The following ATP6V1B2 variants were observed in gnomAD, a reference collection of about 807,000 sequenced individuals.
ATP6V1B2 encodes the protein ATPase H+ transporting V1 subunit B2.
In ATP6V1B2, 23 loss-of-function variants were observed where a neutral mutation model predicts 66.7. The ratio of observed to expected loss-of-function variants is 0.34; its 90% CI spans 0.25 to 0.49. The LOEUF (loss-of-function observed/expected upper bound fraction) is 0.49, where lower values mean the gene tolerates loss of function less well. Among genes scored for constraint, ATP6V1B2 ranks in the 20% least tolerant of loss-of-function variants. ATP6V1B2 has a pLI of 0.99. For synonymous variants in ATP6V1B2, 278 were observed against 236.7 expected (o/e 1.17, Z -1.60); for missense variants, 478 against 650.8 (o/e 0.73, Z 2.89).
At position 20,212,087 on chromosome 8, in the gene ATP6V1B2, G is replaced by A. The variant is rs1409430955; in HGVS notation, c.706-15G>A. 6.2e-6 allele frequency: 10 copies of A among 1,607,340 alleles called. No individual in the cohort carries two copies. The highest frequency in any genetic ancestry group is 8.5e-6 in the Non-Finnish European group (10 of 1,174,382). On this transcript the variant is annotated splice_polypyrimidine_tract_variant and intron_variant, in intron 7 of 13. Coordinates refer to ENST00000276390, the MANE Select transcript of ATP6V1B2 (RefSeq NM_001693.4). Reference sequence around the variant, plus strand: ...TTTTTCTTCTCCCAGCACTGATGAAGTTATTGTTATTTAGGTAAACATGGA... The same window carrying A: ...TTTTTCTTCTCCCAGCACTGATGAAATTATTGTTATTTAGGTAAACATGGA...
At chr8:20,209,995 G>T (rs1422165704) in intron 3 of ATP6V1B2, among the ~76,000 whole-genome samples, 1 of 150,894 alleles carries the variant, frequency 6.6e-6, no homozygotes, top group Non-Finnish European at 1.5e-5. Flanking sequence ...GGCTTTGTGG[G>T]GCCAACTAAA....
Position 20,214,849 on chromosome 8 carries a change from G to T in ATP6V1B2, c.959G>T (p.Arg320Leu). Residue 320 changes from arginine to leucine, a missense_variant, in exon 10 of 14, where the codon CGA (arginine) becomes CTA (leucine). This residue lies in a region of ATP6V1B2 where 326 missense variants were observed against 545.6 expected (regional missense o/e 0.60). Transcript: ENST00000276390. ...VSAAREEVPG[R>L]RGFPGYMYTD... ...GCAGCCAGGGAAGAGGTACCTGGTCGACGAGGTTTTCCAGGTTACATGTAT... is the reference window on the plus strand; with the variant it reads ...GCAGCCAGGGAAGAGGTACCTGGTCTACGAGGTTTTCCAGGTTACATGTAT... 6.2e-7 allele frequency: 1 copy of T among 1,612,594 alleles called. No individual in the cohort carries two copies. The highest frequency in any genetic ancestry group is 1.1e-5 in the South Asian group (1 of 90,944).
chr8:20,206,752 G>C (rs1188184723), intron 2 of ATP6V1B2, among the ~76,000 whole-genome samples: 1 of 152,042 alleles, frequency 6.6e-6, no homozygotes, highest in Non-Finnish European at 1.5e-5. Context: ...AGCATGACTG[G>C]TCAAGTCCTT....
intron 1 of ATP6V1B2, among the ~76,000 whole-genome samples, chr8:20,200,270 G>T (rs1017957162): frequency 2.0e-5 from 3 of 151,990 alleles, no homozygotes; most frequent in Admixed American, 1.3e-4. Flanking sequence ...CGCCCGCCAT[G>T]GCCTCTCAAA....
intron 1 of ATP6V1B2, among the ~76,000 whole-genome samples, chr8:20,199,800 G>A (rs887842853): frequency 1.3e-5 from 2 of 151,838 alleles, no homozygotes; most frequent in Non-Finnish European, 2.9e-5. Context: ...TAGTAGAGAC[G>A]GGATTTCACC....
At chr8:20,211,617 A>G in intron 6 of ATP6V1B2, 35 bp from the exon 7 acceptor site, 1 of 1,560,460 alleles carries the variant, frequency 6.4e-7, no homozygotes, top group Admixed American at 2.0e-5. Flanking sequence ...ATGTTATTTT[A>G]GATTTCAACT....
chr8:20,219,950 C>CA (rs1292643690), intron 13 of ATP6V1B2, among the ~76,000 whole-genome samples: 3 of 152,146 alleles, frequency 2.0e-5, no homozygotes, highest in Non-Finnish European at 4.4e-5. Flanking sequence ...AATCTCTGGA[C>CA]AAAACATTGA....
In ATP6V1B2 at chr8:20,210,641, T is replaced by C. The variant is rs2072784237; in HGVS notation, c.458T>C (p.Ile153Thr). 1 of 1,613,126 alleles carries C rather than the reference T, an allele frequency of 6.2e-7. No homozygotes were observed. The highest frequency in any genetic ancestry group is 1.3e-5 in the African/African-American group (1 of 74,892). The part of the protein sequence containing the change: ...PVVLAEDFLD[I>T]MGQPINPQCR... ...GTACTGGCCGAAGACTTCCTTGATA[T>C]CATGGGTAGGTACAGTAGATGGATT... The change falls in exon 5 of 14, where the codon ATC (isoleucine) becomes ACC (threonine). Residue 153 changes from isoleucine (I) to threonine (T), a missense_variant. Physicochemically the swap from Ile to Thr is moderately conservative, Grantham distance 89. This residue lies in a region of ATP6V1B2 where 326 missense variants were observed against 545.6 expected (regional missense o/e 0.60). Coordinates refer to ENST00000276390, the MANE Select transcript of ATP6V1B2 (RefSeq NM_001693.4).
Position 20,216,691 on chromosome 8 carries a change from A to G in ATP6V1B2, c.1161+196A>G, listed in dbSNP as rs979527008. 8.2e-6 allele frequency: 4 copies of G among 487,978 alleles called. No homozygotes were observed. In the East Asian group the frequency reaches 1.4e-4, roughly 17 times the overall value. The allele number at this position is 487,978 out of a possible 1,614,324, so 30.2% of individuals were successfully genotyped here. A position where few individuals can be genotyped will look rare whatever the true frequency, so the allele number is the denominator to read the frequency against. On this transcript the variant is annotated intron_variant, in intron 11 of 13. Coordinates refer to ENST00000276390, the MANE Select transcript of ATP6V1B2 (RefSeq NM_001693.4). ...GAGCGCCAGAATTAAGAATCTTCTT[A>G]ACACTTTCCTTTATTGTGTCTTAAA...
chr8:20,199,587 C>A (rs970295880), intron 1 of ATP6V1B2, among the ~76,000 whole-genome samples: 2 of 149,304 alleles, frequency 1.3e-5, no homozygotes, highest in African/African-American at 4.9e-5. Flanking sequence ...TATTGATTAA[C>A]CTCTTAATTT....
chr8:20,214,937 T>G lies in ATP6V1B2; in HGVS notation c.1047T>G (p.Thr349=). Residue 349 remains threonine (T), a synonymous_variant, in exon 10 of 14, where the codon ACT becomes ACG. Transcript: ENST00000276390. Reference sequence around the variant, plus strand: ...TGGAAGGGAGAAACGGCTCGATTACTCAAATCCCTATTCTAACCATGCCTA... The same window carrying G: ...TGGAAGGGAGAAACGGCTCGATTACGCAAATCCCTATTCTAACCATGCCTA... ...GRVEGRNGSI[T]QIPILTMPND... 1 of 1,613,516 alleles carries G rather than the reference T, an allele frequency of 6.2e-7. No individual in the cohort carries two copies. The highest frequency in any genetic ancestry group is 1.7e-5 in the Admixed American group (1 of 59,960).
At chr8:20,219,999 A>C (rs2072892221) in intron 13 of ATP6V1B2, among the ~76,000 whole-genome samples, 1 of 152,190 alleles carries the variant, frequency 6.6e-6, no homozygotes. Flanking sequence ...CCCAGTTGTC[A>C]AATCTCAGAT....
Position 20,204,549 on chromosome 8 carries a change from CT to C in ATP6V1B2, c.192+11del. 2 of 1,605,508 alleles carry C rather than the reference CT, an allele frequency of 1.2e-6. No individual in the cohort carries two copies. Among genetic ancestry groups the C allele is most frequent in the Non-Finnish European group, 1.7e-6 (2 of 1,172,634 alleles). On this transcript the variant is annotated intron_variant, in intron 2 of 13. Transcript: ENST00000276390. ...CTTAGATCATGTTAAGGTAATACCACTATCTGTTTTGGTCTATTTATGTAGT... is the reference window on the plus strand; with the variant it reads ...CTTAGATCATGTTAAGGTAATACCACATCTGTTTTGGTCTATTTATGTAGT...
chr8:20,204,637 A>G, intron 2 of ATP6V1B2, 98 bp downstream of exon 2: 1 of 1,066,992 alleles, frequency 9.4e-7, no homozygotes, highest in Non-Finnish European at 1.4e-6. Context: ...TTTTTAAGCC[A>G]TACTTTAGAC....
chr8:20,220,014 C>G (rs2072892472), intron 13 of ATP6V1B2, among the ~76,000 whole-genome samples: 1 of 152,156 alleles, frequency 6.6e-6, no homozygotes. Context: ...TCAGATCTGT[C>G]TCACCATCCT....
rs753267498 is a variant in ATP6V1B2, at chr8:20,204,551, A to G, written c.192+12A>G. On this transcript the variant is annotated intron_variant, in intron 2 of 13. Coordinates refer to ENST00000276390, the MANE Select transcript of ATP6V1B2 (RefSeq NM_001693.4). Reference sequence around the variant, plus strand: ...TAGATCATGTTAAGGTAATACCACTATCTGTTTTGGTCTATTTATGTAGTT... The same window carrying G: ...TAGATCATGTTAAGGTAATACCACTGTCTGTTTTGGTCTATTTATGTAGTT... 1.3e-5 allele frequency: 21 copies of G among 1,604,792 alleles called. No homozygotes were observed. The highest frequency in any genetic ancestry group is 1.8e-5 in the Non-Finnish European group (21 of 1,172,224).
chr8:20,207,065 C>T (rs1016184231), intron 2 of ATP6V1B2, among the ~76,000 whole-genome samples: 2 of 152,088 alleles, frequency 1.3e-5, no homozygotes, highest in African/African-American at 4.8e-5. Flanking sequence ...TTTTAGTGTT[C>T]TGTATGCCAG....
chr8:20,200,309 T>TG (rs1356488668), intron 1 of ATP6V1B2, among the ~76,000 whole-genome samples: 9 of 152,122 alleles, frequency 5.9e-5, no homozygotes, highest in Admixed American at 1.3e-4. Context: ...TGAGCTGCTG[T>TG]GCCCAGCCTA....
At position 20,212,766 on chromosome 8, in the gene ATP6V1B2, T is replaced by C; in HGVS notation, c.804-16T>C. On this transcript the variant is annotated splice_polypyrimidine_tract_variant and intron_variant, in intron 8 of 13. Transcript: ENST00000276390. The stretch of plus-strand genomic sequence containing the variant: ...CTTTTGGTTTGAGTGGCCTAAGACT[T>C]AATGTTCCCTTTCAGCATTGAGCGA... The C allele has an allele frequency of 6.2e-7, 1 of 1,611,776 alleles. No homozygotes were observed. Among genetic ancestry groups the C allele is most frequent in the Non-Finnish European group, 8.5e-7 (1 of 1,179,202 alleles).
Sources: gnomAD v4.1 joint callset for allele counts (sites outside exome capture counted in the v4.1 genomes callset) on GRCh38, gnomAD v4.1.1 for gene constraint, gnomAD v4.1.1 regional missense constraint, MANE v1.5 for transcripts, NCBI Gene and HGNC (gene_info 2026-07-23, HGNC 2026-07-21) for gene names.